Variants in PELI3 observed in about 807,000 individuals in gnomAD.
PELI3 encodes pellino E3 ubiquitin protein ligase family member 3, also known as E3 ubiquitin-protein ligase pellino homolog 3.
A neutral mutation model predicts 35.5 loss-of-function variants in PELI3; 19 were observed. The observed-to-expected ratio is 0.54, with a 90% CI of 0.37 to 0.79. PELI3 has a LOEUF of 0.79. Among genes scored for constraint, PELI3 ranks in the 30% least tolerant of loss-of-function variants. The probability of loss-of-function intolerance (pLI) is 0.00; values close to 1 mark genes in which losing one functional copy is unlikely to be tolerated. For missense variants in PELI3, 490 were observed against 661.2 expected, an observed-to-expected ratio of 0.74 and a Z score of 2.84; for synonymous variants, 262 against 279.2, an observed-to-expected ratio of 0.94 and a Z score of 0.62.
intron 3 of PELI3, among the ~76,000 whole-genome samples, chr11:66,470,108 A>C (rs1464987827): frequency 6.6e-6 from 1 of 151,992 alleles, no homozygotes; most frequent in Non-Finnish European, 1.5e-5. Context: ...CCTCATCTGG[A>C]TTTTAACAAA....
rs1854799955 is a variant in PELI3 at position 66,473,675 on chromosome 11, C to T, written c.652-62C>T. The T allele has an allele frequency of 6.3e-7, 1 of 1,591,612 alleles. No individual in the cohort carries two copies. Among genetic ancestry groups the T allele is most frequent in the South Asian group, 1.1e-5 (1 of 88,988 alleles). ...CTTGAAGGTAGCGGGGGCAGTGCCTCTGGCACATGGCCTGCTGGGGGGCCC... is the reference window on the plus strand; with the variant it reads ...CTTGAAGGTAGCGGGGGCAGTGCCTTTGGCACATGGCCTGCTGGGGGGCCC... On this transcript the variant is annotated intron_variant, in intron 6 of 7. Transcript: ENST00000320740. The surrounding 1 kb of genome is among the most constrained non-coding windows in gnomAD (Gnocchi z 5.8).
chr11:66,468,260 T>C lies in PELI3; in HGVS notation c.132T>C (p.Tyr44=). Residue 44 remains tyrosine, a synonymous_variant, in exon 2 of 8, where the codon TAT becomes TAC. Transcript: ENST00000320740. ...AGCCAGGCGAGGAGCCCATCAAGTA[T>C]GGTGAACTCATCGTCCTGGGGTGAG... is the stretch of plus-strand genomic sequence containing the variant. The part of the protein sequence containing the change: ...DAQPGEEPIK[Y]GELIVLGCCE... 1 of 1,566,260 alleles carries C rather than the reference T, an allele frequency of 6.4e-7. No homozygotes were observed. The highest frequency in any genetic ancestry group is 8.7e-7 in the Non-Finnish European group (1 of 1,151,830).
intron 3 of PELI3, 96 bp downstream of exon 3, chr11:66,469,000 G>A (rs1026866180): frequency 3.4e-6 from 2 of 593,350 alleles, no homozygotes; most frequent in Non-Finnish European, 6.3e-6. Context: ...CTACAGATGA[G>A]AAAGCCAAGG....
Position 66,473,247 on chromosome 11 carries a change from C to T in PELI3, c.463C>T (p.Arg155Cys), listed in dbSNP as rs767364281. 3.1e-6 allele frequency: 5 copies of T among 1,608,278 alleles called. No individual in the cohort carries two copies. The highest frequency in any genetic ancestry group is 2.2e-5 in the East Asian group (1 of 44,810). ...GCTCTCCCTGTCCTCACAGATTGGC[C>T]GCTCCACAGAGAACATGATTGACTT... ...DSDTDMFQIG[R>C]STENMIDFVV... The change falls in exon 6 of 8, where the codon CGC becomes TGC. Residue 155 changes from arginine (R) to cysteine (C), a missense_variant. By Grantham distance (180) the Arg-to-Cys change is radical. Around this residue, in one of 3 missense-constraint regions of PELI3, gnomAD observed 349 missense variants for 484.8 expected, o/e 0.72. Transcript: ENST00000320740. This position sits in a 1 kb window ranked among gnomAD's most constrained non-coding sequence, Gnocchi z 5.8.
rs147025276 is a variant in PELI3, at chr11:66,475,783, C to A, written c.1026C>A (p.Pro342=). 6.2e-7 allele frequency: 1 copy of A among 1,609,376 alleles called. No individual in the cohort carries two copies. Among genetic ancestry groups the A allele is most frequent in the Non-Finnish European group, 8.5e-7 (1 of 1,178,794 alleles). Residue 342 remains proline, a synonymous_variant, in exon 8 of 8, where the codon CCC becomes CCA. Transcript: ENST00000320740. ...TGGGCCTCAGCACTCTGGCCTTCCC[C>A]AGCCCAGCCCGTGGCCGCACAGCGC... ...CPVGLSTLAF[P]SPARGRTAPD...
At chr11:66,474,360 G>A in intron 7 of PELI3, 1 of 459,728 alleles carries the variant, frequency 2.2e-6, no homozygotes, top group Admixed American at 4.2e-5. Context: ...TCTCGCAGGA[G>A]GAAAGGGTCC....
chr11:66,469,798 T>G (rs928870348), intron 3 of PELI3, among the ~76,000 whole-genome samples: 2 of 143,220 alleles, frequency 1.4e-5, no homozygotes, highest in African/African-American at 5.2e-5. Context: ...TCTGTTTTTT[T>G]TTTTTGTTTT....
In PELI3 at chr11:66,473,662, G is replaced by C. The variant is rs1022236823; in HGVS notation, c.652-75G>C. On this transcript the variant is annotated intron_variant, in intron 6 of 7. Transcript: ENST00000320740. This position sits in a 1 kb window ranked among gnomAD's most constrained non-coding sequence, Gnocchi z 5.8. ...GGCCGCCTCTGAACTTGAAGGTAGC[G>C]GGGGCAGTGCCTCTGGCACATGGCC... is the stretch of plus-strand genomic sequence containing the variant. 1 of 1,569,312 alleles carries C rather than the reference G, an allele frequency of 6.4e-7. No homozygotes were observed. The highest frequency in any genetic ancestry group is 1.9e-5 in the Admixed American group (1 of 51,516).
intron 3 of PELI3, among the ~76,000 whole-genome samples, chr11:66,469,791 G>GTTTTTTTCTT (rs1854652263): frequency 8.0e-6 from 1 of 124,610 alleles, no homozygotes; most frequent in African/African-American, 3.1e-5. Context: ...CAGGGAATCT[G>GTTTTTTTCTT]TTTTTTTTTT....
In PELI3 at chr11:66,471,205, C is replaced by G. The variant is rs140403407; in HGVS notation, c.225-37C>G. ...CACTTTCTCTCTTTCTCTCTCTCCT[C>G]TTGCAACCCCTTCTTCTTAACCCCC... On this transcript the variant is annotated intron_variant, in intron 3 of 7. Coordinates refer to ENST00000320740, the MANE Select transcript of PELI3 (RefSeq NM_145065.3). The G allele has an allele frequency of 4.8e-4, 763 of 1,585,848 alleles. 5 individuals are homozygous for G. The East Asian group carries it at 0.015, about 30-fold the overall frequency.
At chr11:66,466,821 A>C, upstream of PELI3, 1 of 115,852 alleles carries the variant, frequency 8.6e-6, no homozygotes, top group Admixed American at 9.2e-5. Flanking sequence ...GAGCTCTCCT[A>C]GGGGCGGGGA....
chr11:66,468,214 C>A lies in PELI3; in HGVS notation c.86C>A (p.Ser29Tyr). The A allele has an allele frequency of 1.2e-6, 2 of 1,603,516 alleles. No individual in the cohort carries two copies. The highest frequency in any genetic ancestry group is 1.7e-6 in the Non-Finnish European group (2 of 1,173,882). The change falls in exon 2 of 8, where the codon TCC (serine) becomes TAC (tyrosine). Residue 29 changes from serine (S) to tyrosine (Y), a missense_variant. Physicochemically the swap from Ser to Tyr is moderately radical, Grantham distance 144 (BLOSUM62 -2). This residue lies in a region of PELI3 where 137 missense variants were observed against 157.1 expected (regional missense o/e 0.87). Transcript: ENST00000320740. ...GGGAACAAGGGCTCTTGCGTTCTCTCCTCTCCCGGTGAAGATGCGCAGCCA... is the reference window on the plus strand; with the variant it reads ...GGGAACAAGGGCTCTTGCGTTCTCTACTCTCCCGGTGAAGATGCGCAGCCA... ...HRGNKGSCVL[S>Y]SPGEDAQPGE... is the part of the protein sequence containing the mutation.
At chr11:66,472,702 T>A (rs570804981) in intron 5 of PELI3, among the ~76,000 whole-genome samples, 18 of 152,274 alleles carry the variant, frequency 1.2e-4, no homozygotes, top group Admixed American at 1.1e-3. Flanking sequence ...GCTCAGGAGT[T>A]CAGGTGTGAG....
In PELI3 at chr11:66,475,674, C is replaced by A; in HGVS notation, c.917C>A (p.Pro306Gln). ...LCGATLLWRTPAGLLRAPTLK... is the reference protein window; with the variant it reads ...LCGATLLWRTQAGLLRAPTLK... The stretch of plus-strand genomic sequence containing the variant: ...GGGGCCACACTGCTGTGGCGCACAC[C>A]GGCGGGGCTGCTGCGGGCTCCCACA... Residue 306 changes from proline to glutamine, a missense_variant, in exon 8 of 8, where the codon CCG becomes CAG. Pro to Gln is a moderately conservative substitution (Grantham distance 76, BLOSUM62 -1). Coordinates refer to ENST00000320740, the MANE Select transcript of PELI3 (RefSeq NM_145065.3). The A allele has an allele frequency of 6.2e-7, 1 of 1,612,548 alleles. No individual in the cohort carries two copies. The highest frequency in any genetic ancestry group is 8.5e-7 in the Non-Finnish European group (1 of 1,179,864).
chr11:66,472,768 G>C (rs1854768460), intron 5 of PELI3, among the ~76,000 whole-genome samples: 1 of 152,204 alleles, frequency 6.6e-6, no homozygotes, highest in Admixed American at 6.5e-5. Flanking sequence ...GGGTGACTTT[G>C]GGGAAGCATC....
intron 5 of PELI3, 22 bp downstream of exon 5, chr11:66,472,492 C>T (rs755480731): frequency 2.5e-6 from 4 of 1,592,632 alleles, no homozygotes; most frequent in East Asian, 2.2e-5. Context: ...CCTCTCCACA[C>T]ACCTCCTGGC....
At position 66,476,420 on chromosome 11, in the gene PELI3, G is replaced by A. The variant is rs1394231128; in HGVS notation, c.*253G>A. 18 of 541,838 alleles carry A rather than the reference G, an allele frequency of 3.3e-5. No individual in the cohort carries two copies. The highest frequency in any genetic ancestry group is 5.5e-5 in the Non-Finnish European group (17 of 306,694). The allele number at this position is 541,838 out of a possible 1,614,324, so 33.6% of individuals were successfully genotyped here. A position where few individuals can be genotyped will look rare whatever the true frequency, so the allele number is the denominator to read the frequency against. On this transcript the variant is annotated 3_prime_UTR_variant, in exon 8 of 8. Coordinates refer to ENST00000320740, the MANE Select transcript of PELI3 (RefSeq NM_145065.3). The stretch of plus-strand genomic sequence containing the variant: ...TCGATGGAGGAAAGCCCAGCCCCAT[G>A]GCCTTGCCCTTCCTGGGGCATCCCA...
rs755270762 is a variant in PELI3, at chr11:66,475,891, C to G, written c.1134C>G (p.Gly378=). 1.2e-6 allele frequency: 2 copies of G among 1,601,636 alleles called. No individual in the cohort carries two copies. Among genetic ancestry groups the G allele is most frequent in the Admixed American group, 3.5e-5 (2 of 57,914 alleles). Residue 378 remains glycine (G), a synonymous_variant, in exon 8 of 8, where the codon GGC becomes GGG. Transcript: ENST00000320740. ...GCTGGGGCTGCCGGCGGGAGCGGGG[C>G]CCCCAGGAGCGCGAATGTCCTCTCT... ...YHGWGCRRER[G]PQERECPLCR...
chr11:66,474,029 G>A, intron 7 of PELI3, 104 bp downstream of exon 7: 2 of 1,456,918 alleles, frequency 1.4e-6, no homozygotes, highest in Non-Finnish European at 1.9e-6. Context: ...TTCTGCCCCA[G>A]GGAGCCCCAA....
Sources: gnomAD v4.1 joint callset for allele counts (sites outside exome capture counted in the v4.1 genomes callset) on GRCh38, gnomAD v4.1.1 for gene constraint, gnomAD v4.1.1 regional missense constraint, Gnocchi (gnomAD v3.1) non-coding constraint, MANE v1.5 for transcripts, NCBI Gene and HGNC (gene_info 2026-07-23, HGNC 2026-07-21) for gene names.